Variants in TMEM177 observed in about 807,000 individuals in gnomAD.
The protein encoded by TMEM177 is transmembrane protein 177.
TMEM177 carries 4 observed loss-of-function variants against 14.2 expected under a neutral mutation model. That is an observed-to-expected ratio of 0.28 (90% CI 0.14 to 0.64). The LOEUF (loss-of-function observed/expected upper bound fraction) is 0.64, where lower values mean the gene tolerates loss of function less well. TMEM177 is among the 30% of genes least tolerant of loss of function. The pLI is 0.82. For synonymous variants in TMEM177, 179 were observed against 174.5 expected (o/e 1.03, Z -0.20); for missense variants, 344 against 405.2 (o/e 0.85, Z 1.30).
At chr2:119,703,834 G>T in the TMEM177 span, among the ~76,000 whole-genome samples, 1 of 152,162 alleles carries the variant, frequency 6.6e-6, no homozygotes, top group Non-Finnish European at 1.5e-5. Flanking sequence ...GCCTCCCCTT[G>T]ATCCTAAGGG....
the TMEM177 span, among the ~76,000 whole-genome samples, chr2:119,719,761 G>T: frequency 5.9e-5 from 9 of 152,018 alleles, no homozygotes; most frequent in African/African-American, 1.7e-4. Context: ...AAAGTTTGAG[G>T]GGTGCCCAAA....
chr2:119,718,579 C>T, the TMEM177 span, among the ~76,000 whole-genome samples: 2 of 152,200 alleles, frequency 1.3e-5, no homozygotes, highest in African/African-American at 2.4e-5. Flanking sequence ...CAGAGGAAAT[C>T]GCCATCTCAC....
chr2:119,712,749 C>T, the TMEM177 span, among the ~76,000 whole-genome samples: 5 of 152,226 alleles, frequency 3.3e-5, no homozygotes, highest in Admixed American at 6.5e-5. Flanking sequence ...AGCATGCATG[C>T]ACCAGCAATT....
downstream of TMEM177, among the ~76,000 whole-genome samples, chr2:119,687,254 T>A (rs1014847784): frequency 1.3e-5 from 2 of 152,164 alleles, no homozygotes; most frequent in Admixed American, 6.6e-5. Flanking sequence ...GCTGGGGCCC[T>A]TGGGCCACAA....
the TMEM177 span, among the ~76,000 whole-genome samples, chr2:119,719,994 C>T: frequency 2.0e-5 from 3 of 152,000 alleles, no homozygotes; most frequent in Non-Finnish European, 4.4e-5. Context: ...GGGGGTTTCC[C>T]TATGATGCCC....
chr2:119,696,319 G>T, the TMEM177 span, among the ~76,000 whole-genome samples: 4 of 152,158 alleles, frequency 2.6e-5, no homozygotes, highest in African/African-American at 7.2e-5. Context: ...ACCCCAGTAG[G>T]ACTAGACCTG....
the TMEM177 span, among the ~76,000 whole-genome samples, chr2:119,721,617 T>C: frequency 6.6e-6 from 1 of 152,188 alleles, no homozygotes; most frequent in South Asian, 2.1e-4. Context: ...AACAGTCTTG[T>C]AGGGGACCGT....
chr2:119,688,126 T>A (rs1211553673), downstream of TMEM177, among the ~76,000 whole-genome samples: 1 of 152,166 alleles, frequency 6.6e-6, no homozygotes, highest in Non-Finnish European at 1.5e-5. Context: ...CATTAAAAAG[T>A]ATAATTATGA....
the TMEM177 span, among the ~76,000 whole-genome samples, chr2:119,718,736 G>A: frequency 1.3e-5 from 2 of 152,100 alleles, no homozygotes; most frequent in Non-Finnish European, 2.9e-5. Flanking sequence ...GAGGAAGAGC[G>A]GCAGAAACAG....
chr2:119,705,619 CGTGTGTGTGT>C, the TMEM177 span, among the ~76,000 whole-genome samples: 43 of 139,262 alleles, frequency 3.1e-4, no homozygotes, highest in African/African-American at 7.9e-4. Flanking sequence ...CACTCAGATC[CGTGTGTGTGT>C]GTGTGTGTGT....
At chr2:119,700,414 C>T in the TMEM177 span, among the ~76,000 whole-genome samples, 1 of 152,156 alleles carries the variant, frequency 6.6e-6, no homozygotes, top group Non-Finnish European at 1.5e-5. Context: ...TTTAAAGCAA[C>T]GGTCAACTCG....
At chr2:119,693,281 T>C in the TMEM177 span, among the ~76,000 whole-genome samples, 1 of 152,104 alleles carries the variant, frequency 6.6e-6, no homozygotes, top group African/African-American at 2.4e-5. Context: ...TAGGGTGCTT[T>C]TGGGGAGTGG....
chr2:119,716,509 C>G, the TMEM177 span, among the ~76,000 whole-genome samples: 1 of 152,132 alleles, frequency 6.6e-6, no homozygotes, highest in Non-Finnish European at 1.5e-5. Context: ...AGCAATATGC[C>G]CAAGAGCTCG....
chr2:119,681,152 C>G lies in TMEM177; in HGVS notation c.299C>G (p.Ala100Gly), dbSNP rs768269943. 1 of 1,614,256 alleles carries G rather than the reference C, an allele frequency of 6.2e-7. No individual in the cohort carries two copies. The highest frequency in any genetic ancestry group is 1.1e-5 in the South Asian group (1 of 91,086). The change falls in exon 2 of 2, where the codon GCT becomes GGT. Residue 100 changes from alanine (A) to glycine (G), a missense_variant. Coordinates refer to ENST00000272521, the MANE Select transcript of TMEM177 (RefSeq NM_030577.3). ...AGTGCAGGCTTCCCAAGACTCCCTG[C>G]TGGGGCTGTGGTGGGCATCCCTGCC... ...PVSAGFPRLP[A>G]GAVVGIPASF...
chr2:119,682,861 G>A (rs1688939591), downstream of TMEM177, among the ~76,000 whole-genome samples: 1 of 152,156 alleles, frequency 6.6e-6, no homozygotes, highest in Non-Finnish European at 1.5e-5. Flanking sequence ...TGGGCAGTGG[G>A]TTAGGCCTGG....
At chr2:119,692,159 T>C in the TMEM177 span, among the ~76,000 whole-genome samples, 1 of 152,254 alleles carries the variant, frequency 6.6e-6, no homozygotes. Flanking sequence ...CCTAAGGCTT[T>C]CCTTGTCAGC....
At chr2:119,714,096 G>A in the TMEM177 span, among the ~76,000 whole-genome samples, 8 of 152,366 alleles carry the variant, frequency 5.3e-5, no homozygotes, top group East Asian at 1.5e-3. Flanking sequence ...CCATGTTGGA[G>A]AACTTGGGCT....
the TMEM177 span, among the ~76,000 whole-genome samples, chr2:119,717,766 A>G: frequency 6.6e-6 from 1 of 151,558 alleles, no homozygotes; most frequent in Non-Finnish European, 1.5e-5. Context: ...GCGCCACCAT[A>G]CCCAGCTAAT....
the TMEM177 span, among the ~76,000 whole-genome samples, chr2:119,716,154 G>A: frequency 6.6e-6 from 1 of 152,194 alleles, no homozygotes; most frequent in African/African-American, 2.4e-5. Flanking sequence ...CAGGTCCTGC[G>A]ACAGGGCTGA....
Sources: allele counts gnomAD v4.1 joint callset (sites outside exome capture counted in the v4.1 genomes callset), GRCh38; gene constraint gnomAD v4.1.1; transcripts MANE v1.5; gene names NCBI Gene and HGNC (gene_info 2026-07-23, HGNC 2026-07-21).